The following DOCK2 variants were observed in gnomAD, a reference collection of about 807,000 sequenced individuals.
DOCK2 encodes the protein dedicator of cytokinesis 2.
Under a neutral mutation model 248.9 loss-of-function variants are expected in DOCK2, and 87 were observed. The observed-to-expected ratio is 0.35, with a 90% CI of 0.29 to 0.42. DOCK2 has a LOEUF of 0.42. DOCK2 is among the 10% of genes least tolerant of loss of function. The probability of loss-of-function intolerance (pLI) is 1.00; values close to 1 mark genes in which losing one functional copy is unlikely to be tolerated. For missense variants in DOCK2, 1,747 were observed against 2,300.2 expected (o/e 0.76, Z 4.92); for synonymous variants, 805 against 821.6 (o/e 0.98, Z 0.35).
At chr5:169,672,081 A>G (rs1257449475) in intron 5 of DOCK2, among the ~76,000 whole-genome samples, 2 of 151,878 alleles carry the variant, frequency 1.3e-5, no homozygotes, top group Non-Finnish European at 2.9e-5. Context: ...ATCTTGGCTC[A>G]CTGCAGCCTC....
chr5:169,708,129 T>C (rs758334832), intron 14 of DOCK2, 40 bp from the exon 15 acceptor site: 2 of 1,600,618 alleles, frequency 1.2e-6, no homozygotes, highest in East Asian at 4.5e-5. Flanking sequence ...AAAATGACAA[T>C]TCTGTAGTCT....
Position 169,700,016 on chromosome 5 carries a change from C to G in DOCK2, c.1135C>G (p.Leu379Val), listed in dbSNP as rs780646820. 1 of 1,613,684 alleles carries G rather than the reference C, an allele frequency of 6.2e-7. No homozygotes were observed. Among genetic ancestry groups the G allele is most frequent in the Non-Finnish European group, 8.5e-7 (1 of 1,179,708 alleles). The change falls in exon 13 of 52, where the codon CTC (leucine) becomes GTC (valine). Residue 379 changes from leucine to valine, a missense_variant and splice_region_variant. Coordinates refer to ENST00000520908, the MANE Select transcript of DOCK2 (RefSeq NM_004946.3). Reference sequence around the variant, plus strand: ...CACGGTGAGCTGTTCCTTTGCAGGCCTCTGGGTGACCATGAAGATGCTGGT... The same window carrying G: ...CACGGTGAGCTGTTCCTTTGCAGGCGTCTGGGTGACCATGAAGATGCTGGT... ...ASKGDSGGQG[L>V]WVTMKMLVGD...
At chr5:170,004,922 T>G (rs1222914833) in intron 30 of DOCK2, among the ~76,000 whole-genome samples, 6 of 78,382 alleles carry the variant, frequency 7.7e-5, no homozygotes, top group Admixed American at 3.1e-4. Flanking sequence ...TGTGGTGGGG[T>G]GGGGGGAGGG....
intron 27 of DOCK2, among the ~76,000 whole-genome samples, chr5:169,928,145 T>C (rs1038508184): frequency 2.6e-5 from 4 of 152,170 alleles, no homozygotes. Flanking sequence ...CCCTTCCCCC[T>C]GCAACTCAGG....
At chr5:169,888,911 G>A (rs898172463) in intron 27 of DOCK2, among the ~76,000 whole-genome samples, 6 of 152,292 alleles carry the variant, frequency 3.9e-5, no homozygotes, top group South Asian at 2.1e-4. Flanking sequence ...GTACAAAGAT[G>A]GCATTCCTTT....
At chr5:169,759,529 T>G (rs1764363370) in intron 23 of DOCK2, among the ~76,000 whole-genome samples, 176 bp from the exon 24 acceptor site, 1 of 152,264 alleles carries the variant, frequency 6.6e-6, no homozygotes, top group Admixed American at 6.5e-5. Context: ...CACTTTTGTA[T>G]ACAAAGAAGT....
chr5:170,049,185 G>T (rs1459498190), intron 40 of DOCK2, among the ~76,000 whole-genome samples: 1 of 152,194 alleles, frequency 6.6e-6, no homozygotes, highest in East Asian at 1.9e-4. Flanking sequence ...CTTGATCTCG[G>T]CTCACTGCAA....
At chr5:169,735,638 A>C (rs545079134) in intron 22 of DOCK2, among the ~76,000 whole-genome samples, 1 of 152,182 alleles carries the variant, frequency 6.6e-6, no homozygotes, top group Non-Finnish European at 1.5e-5. Flanking sequence ...TGACTGGTGC[A>C]TAGTAGATGC....
rs190920388 is a variant in DOCK2 at position 169,663,005 on chromosome 5, T to G, written c.128-6283T>G. ...AGACAAGGCAAGTTCCTTCCACATA[T>G]GAGCCTGTAAAATCAAAACAACAAG... On this transcript the variant is annotated intron_variant, in intron 2 of 51. Coordinates refer to ENST00000520908, the MANE Select transcript of DOCK2 (RefSeq NM_004946.3). Among the ~76,000 whole-genome samples, 55 of 152,294 alleles carry G rather than the reference T, an allele frequency of 3.6e-4. 1 individual carries two copies. Among genetic ancestry groups the G allele is most frequent in the African/African-American group, 1.3e-3 (54 of 41,564 alleles).
chr5:170,050,279 G>A lies in DOCK2; in HGVS notation c.4095G>A (p.Gly1365=), dbSNP rs772382089. 6.2e-7 allele frequency: 1 copy of A among 1,614,162 alleles called. No individual in the cohort carries two copies. The highest frequency in any genetic ancestry group is 1.1e-5 in the South Asian group (1 of 91,078). ...FLRNKVFIYR[G]KEYERREDFQ... ...AGAACAAAGTGTTCATCTACCGCGG[G>A]AAGGAATATGAGCGAAGAGAAGATT... The change falls in exon 41 of 52, where the codon GGG becomes GGA. Residue 1365 remains glycine, a synonymous_variant. Transcript: ENST00000520908.
chr5:170,028,740 A>AACAC (rs59193270), intron 34 of DOCK2, among the ~76,000 whole-genome samples: 14 of 148,758 alleles, frequency 9.4e-5, no homozygotes, highest in East Asian at 4.0e-4. Flanking sequence ...CTGCTCTGCC[A>AACAC]ACACACACAC....
At chr5:169,991,384 C>T (rs1183230326) in intron 29 of DOCK2, among the ~76,000 whole-genome samples, 1 of 152,216 alleles carries the variant, frequency 6.6e-6, no homozygotes, top group African/African-American at 2.4e-5. Flanking sequence ...CTTCTTCCTA[C>T]TCACAACAGC....
chr5:169,851,368 C>G (rs536385030), intron 27 of DOCK2, among the ~76,000 whole-genome samples: 1 of 152,178 alleles, frequency 6.6e-6, no homozygotes, highest in Non-Finnish European at 1.5e-5. Flanking sequence ...ATGCTTCATT[C>G]TCCAAATCTT....
At chr5:169,725,671 G>A (rs1010335459) in intron 22 of DOCK2, among the ~76,000 whole-genome samples, 5 of 97,478 alleles carry the variant, frequency 5.1e-5, no homozygotes, top group South Asian at 3.9e-4. Context: ...CCCAACCCCC[G>A]ACAGGCCCCG....
In DOCK2 at chr5:169,700,144, G is replaced by C. The variant is rs1263045402; in HGVS notation, c.1258+5G>C. 1.9e-6 allele frequency: 3 copies of C among 1,613,254 alleles called. No individual in the cohort carries two copies. The highest frequency in any genetic ancestry group is 2.5e-6 in the Non-Finnish European group (3 of 1,179,560). On this transcript the variant is annotated splice_donor_5th_base_variant and intron_variant, in intron 13 of 51. Transcript: ENST00000520908. ...TCCCAGAGATCATCATGCCAGGTGA[G>C]ACACAGCTGCTCTGACCTTCCCCTG...
chr5:169,680,056 A>G (rs1488714334), intron 6 of DOCK2, among the ~76,000 whole-genome samples: 1 of 152,152 alleles, frequency 6.6e-6, no homozygotes, highest in Non-Finnish European at 1.5e-5. Context: ...GGTTTCTGCA[A>G]ACACACCCTA....
chr5:169,669,596 C>T (rs148897161), intron 3 of DOCK2, among the ~76,000 whole-genome samples: 9 of 152,268 alleles, frequency 5.9e-5, no homozygotes, highest in African/African-American at 1.7e-4. Flanking sequence ...CTCCCTTCCT[C>T]GAGTCTCTGT....
chr5:170,077,559 G>A (rs557035222), intron 47 of DOCK2, 151 bp from the exon 48 acceptor site: 12 of 1,074,412 alleles, frequency 1.1e-5, no homozygotes, highest in African/African-American at 9.5e-5. Context: ...CTACAAGAAC[G>A]CCCTAGCCTC....
At chr5:170,057,377 G>A in intron 43 of DOCK2, 1 of 632,482 alleles carries the variant, frequency 1.6e-6, no homozygotes, top group East Asian at 2.8e-5. Context: ...CTAAGTCCAG[G>A]GAGAGCTTAC....
Sources: allele counts gnomAD v4.1 joint callset (sites outside exome capture counted in the v4.1 genomes callset), GRCh38; gene constraint gnomAD v4.1.1; transcripts MANE v1.5; gene names NCBI Gene and HGNC (gene_info 2026-07-23, HGNC 2026-07-21).